DSCAM: variants seen among roughly 807,000 people sequenced by gnomAD.
The protein encoded by DSCAM is DS cell adhesion molecule.
DSCAM carries 47 observed loss-of-function variants against 217.7 expected under a neutral mutation model. The observed-to-expected ratio is 0.22, with a 90% CI of 0.17 to 0.28. DSCAM has a LOEUF of 0.28. Ranked by LOEUF, DSCAM falls within the 10% of genes least tolerant of loss-of-function variation. DSCAM has a pLI of 1.00. For missense variants in DSCAM, 2,080 were observed against 2,618.3 expected (o/e 0.79, Z 4.49); for synonymous variants, 1,056 against 1,015.3 (o/e 1.04, Z -0.76).
chr21:40,062,042 C>A lies in DSCAM; in HGVS notation c.4919+827G>T, dbSNP rs77196792. On this transcript the variant is annotated intron_variant, in intron 28 of 32. Transcript: ENST00000400454. ...TAACACATCAGGCAATTAATCCATA[C>A]GTGTAAATGCTTCATATCAGAGTGT... 3.9e-5 allele frequency among the ~76,000 whole-genome samples: 6 copies of A among 152,250 alleles called. No individual in the cohort carries two copies. The East Asian group carries it at 1.2e-3, about 29-fold the overall frequency.
chr21:40,837,213 C>A (rs2092064215), intron 1 of DSCAM, among the ~76,000 whole-genome samples: 1 of 152,192 alleles, frequency 6.6e-6, no homozygotes, highest in Admixed American at 6.5e-5. Flanking sequence ...ACATTTGCCT[C>A]CGCTGCCTCC....
chr21:40,014,401 A>T (rs986559589), intron 32 of DSCAM, among the ~76,000 whole-genome samples: 1 of 152,028 alleles, frequency 6.6e-6, no homozygotes, highest in Admixed American at 6.5e-5. Flanking sequence ...ACAAAACAAA[A>T]CAAAACAAAA....
At chr21:40,232,480 A>G (rs1394656679) in intron 11 of DSCAM, among the ~76,000 whole-genome samples, 3 of 152,204 alleles carry the variant, frequency 2.0e-5, no homozygotes, top group Non-Finnish European at 2.9e-5. Context: ...TGTCTCTACA[A>G]GGGACTTCTC....
chr21:40,751,233 C>G (rs537279329), intron 1 of DSCAM, among the ~76,000 whole-genome samples: 3 of 152,298 alleles, frequency 2.0e-5, no homozygotes, highest in Admixed American at 2.0e-4. Context: ...CGACTCTAGC[C>G]TATCTGAAAC....
At position 40,124,248 on chromosome 21, in the gene DSCAM, G is replaced by A; in HGVS notation, c.3643C>T (p.Leu1215=). 1.9e-6 allele frequency: 3 copies of A among 1,613,988 alleles called. No homozygotes were observed. In the Middle Eastern group the frequency reaches 5.0e-4, roughly 266 times the overall value. ...GTGTACTTTCGGATGATGCCGTTCA[G>A]CTTGAGAGGGGGAAGCCAGGACACA... The part of the protein sequence containing the change: ...VFVSWLPPLK[L]NGIIRKYTVF... The change falls in exon 20 of 33, where the codon CTG becomes TTG. Residue 1215 remains leucine (L), a synonymous_variant. Coordinates refer to ENST00000400454, the MANE Select transcript of DSCAM (RefSeq NM_001389.5).
At chr21:40,528,200 G>A (rs954098227) in intron 3 of DSCAM, among the ~76,000 whole-genome samples, 13 of 152,044 alleles carry the variant, frequency 8.6e-5, no homozygotes, top group African/African-American at 2.4e-4. Context: ...ATATTTAATG[G>A]TGAAATTCAA....
At chr21:40,375,231 C>A (rs898902308) in intron 3 of DSCAM, among the ~76,000 whole-genome samples, 3 of 152,198 alleles carry the variant, frequency 2.0e-5, no homozygotes, top group Non-Finnish European at 4.4e-5. Context: ...AGGATTGTAG[C>A]TTTCAAACTC....
chr21:40,572,771 A>G (rs542515963), intron 3 of DSCAM, among the ~76,000 whole-genome samples: 2 of 152,320 alleles, frequency 1.3e-5, no homozygotes, highest in South Asian at 4.1e-4. Flanking sequence ...TGACAGCACT[A>G]AAGGAAGAAT....
intron 3 of DSCAM, among the ~76,000 whole-genome samples, chr21:40,430,827 C>T (rs1015972605): frequency 4.6e-5 from 7 of 152,158 alleles, no homozygotes; most frequent in African/African-American, 1.7e-4. Flanking sequence ...AAATGAGATA[C>T]CGTGTGCGAC....
chr21:40,843,171 G>A (rs148593315), intron 1 of DSCAM, among the ~76,000 whole-genome samples: 14 of 152,260 alleles, frequency 9.2e-5, no homozygotes, highest in East Asian at 5.8e-4. Flanking sequence ...AATAGCAAGC[G>A]TGTGCTCTGT....
chr21:40,073,404 T>C lies in DSCAM; in HGVS notation c.4888+1633A>G, dbSNP rs536101976. 5.9e-5 allele frequency among the ~76,000 whole-genome samples: 9 copies of C among 152,316 alleles called. No individual in the cohort carries two copies. The South Asian group carries it at 1.9e-3, about 32-fold the overall frequency. On this transcript the variant is annotated intron_variant, in intron 27 of 32. Transcript: ENST00000400454. Reference sequence around the variant, plus strand: ...ATGCAAGTAGTTAGACATAGTTGTCTAATGGTAACAAGGAAAGACACCCTT... The same window carrying C: ...ATGCAAGTAGTTAGACATAGTTGTCCAATGGTAACAAGGAAAGACACCCTT...
At chr21:40,817,086 CTTT>C (rs397772533) in intron 1 of DSCAM, among the ~76,000 whole-genome samples, 1 of 147,528 alleles carries the variant, frequency 6.8e-6, no homozygotes. Flanking sequence ...AAATTAGATT[CTTT>C]TTTTTTTTTG....
At position 40,339,226 on chromosome 21, in the gene DSCAM, C is replaced by G. The variant is rs559071672; in HGVS notation, c.1400G>C (p.Ser467Thr). The G allele has an allele frequency of 6.2e-7, 1 of 1,614,172 alleles. No homozygotes were observed. The highest frequency in any genetic ancestry group is 2.2e-5 in the East Asian group (1 of 44,866). The change falls in exon 7 of 33, where the codon AGC becomes ACC. Residue 467 changes from serine (S) to threonine (T), a missense_variant. Transcript: ENST00000400454. ...QMITSEGNVV[S>T]YLNISSSQVR... ...CTGGGAGCTGGAGATGTTCAGGTAGCTGACCACGTTCCCCTCCGACGTGAT... is the reference window on the plus strand; with the variant it reads ...CTGGGAGCTGGAGATGTTCAGGTAGGTGACCACGTTCCCCTCCGACGTGAT...
chr21:40,028,474 C>T lies in DSCAM; in HGVS notation c.5686+13897G>A, dbSNP rs906652314. 4.6e-5 allele frequency among the ~76,000 whole-genome samples: 7 copies of T among 152,024 alleles called. No individual in the cohort carries two copies. The East Asian group carries it at 1.2e-3, about 25-fold the overall frequency. On this transcript the variant is annotated intron_variant, in intron 32 of 32. Transcript: ENST00000400454. Reference sequence around the variant, plus strand: ...TGGCTGCCACCTTGCAGTTTGATCTCAGACTGCTCTGCTAGCAATCAGCGA... The same window carrying T: ...TGGCTGCCACCTTGCAGTTTGATCTTAGACTGCTCTGCTAGCAATCAGCGA...
intron 20 of DSCAM, among the ~76,000 whole-genome samples, chr21:40,096,053 T>C (rs750221036): frequency 2.7e-4 from 41 of 152,198 alleles, no homozygotes; most frequent in Non-Finnish European, 5.0e-4. Context: ...AAAGTCAAGC[T>C]GGGAACTGCT....
chr21:40,563,517 AAATATATCT>A (rs1427804131), intron 3 of DSCAM, among the ~76,000 whole-genome samples: 1 of 145,776 alleles, frequency 6.9e-6, no homozygotes, highest in Admixed American at 6.9e-5. Context: ...TTGTAAAACA[AAATATATCT>A]ATTTGTTTAT....
chr21:40,837,874 C>G (rs2092069470), intron 1 of DSCAM, among the ~76,000 whole-genome samples: 1 of 152,140 alleles, frequency 6.6e-6, no homozygotes. Context: ...ATTGTTATTT[C>G]TACCCTGCAA....
At chr21:40,779,939 A>C (rs77013104) in intron 1 of DSCAM, among the ~76,000 whole-genome samples, 2 of 152,362 alleles carry the variant, frequency 1.3e-5, no homozygotes, top group Non-Finnish European at 2.9e-5. Flanking sequence ...ATATACAGCT[A>C]TATCCATGGG....
chr21:40,695,229 C>T (rs1045215167), intron 2 of DSCAM, among the ~76,000 whole-genome samples: 3 of 152,024 alleles, frequency 2.0e-5, no homozygotes, highest in Non-Finnish European at 2.9e-5. Flanking sequence ...ACCTGTTTAC[C>T]GGGAGACACG....
Sources: gnomAD v4.1 joint callset for allele counts (sites outside exome capture counted in the v4.1 genomes callset) on GRCh38, gnomAD v4.1.1 for gene constraint, MANE v1.5 for transcripts, NCBI Gene and HGNC (gene_info 2026-07-23, HGNC 2026-07-21) for gene names.